Variants in KCTD8 observed in about 807,000 individuals in gnomAD.
KCTD8 encodes the protein BTB/POZ domain-containing protein KCTD8.
In KCTD8, 27 loss-of-function variants were observed where a neutral mutation model predicts 31.5. The ratio of observed to expected loss-of-function variants is 0.86; its 90% CI spans 0.63 to 1.18. The LOEUF is 1.18. Among genes scored for constraint, KCTD8 ranks in the 50% most tolerant of loss-of-function variants. KCTD8 has a pLI of 0.00. For synonymous variants in KCTD8, 290 were observed against 280.0 expected, an observed-to-expected ratio of 1.04 and a Z score of -0.36; for missense variants, 658 against 647.7, an observed-to-expected ratio of 1.02 and a Z score of -0.17.
At chr4:44,301,752 T>C (rs945235511) in intron 1 of KCTD8, among the ~76,000 whole-genome samples, 2 of 152,218 alleles carry the variant, frequency 1.3e-5, no homozygotes, top group Non-Finnish European at 2.9e-5. Context: ...TTGGCTTTTG[T>C]TGCCATTGCT....
intron 1 of KCTD8, among the ~76,000 whole-genome samples, chr4:44,337,609 G>A (rs1003815562): frequency 9.2e-5 from 14 of 151,376 alleles, no homozygotes; most frequent in Middle Eastern, 3.4e-3. Context: ...GGGAGGAGGA[G>A]GTTGCAGTGA....
At chr4:44,321,737 C>T (rs559568680) in intron 1 of KCTD8, among the ~76,000 whole-genome samples, 1 of 152,228 alleles carries the variant, frequency 6.6e-6, no homozygotes, top group South Asian at 2.1e-4. Flanking sequence ...CATTAACAAA[C>T]TTATCTTCAT....
At chr4:44,215,591 T>C (rs896662059) in intron 1 of KCTD8, among the ~76,000 whole-genome samples, 3 of 152,224 alleles carry the variant, frequency 2.0e-5, no homozygotes, top group Non-Finnish European at 4.4e-5. Flanking sequence ...AAGTCAAATC[T>C]TTAATTCAGA....
chr4:44,364,894 G>A (rs1448081863), intron 1 of KCTD8, among the ~76,000 whole-genome samples: 2 of 151,962 alleles, frequency 1.3e-5, no homozygotes, highest in Non-Finnish European at 2.9e-5. Flanking sequence ...TGGTTCTCCG[G>A]GGTCAGGCAG....
At chr4:44,436,044 T>A (rs1237362092) in intron 1 of KCTD8, among the ~76,000 whole-genome samples, 1 of 152,124 alleles carries the variant, frequency 6.6e-6, no homozygotes, top group African/African-American at 2.4e-5. Context: ...GGCAATTGTA[T>A]TCAATCATAC....
chr4:44,179,232 CTCT>C (rs1351356736), intron 1 of KCTD8, among the ~76,000 whole-genome samples: 2 of 151,852 alleles, frequency 1.3e-5, no homozygotes, highest in African/African-American at 4.8e-5. Context: ...CTTCTCCTCC[CTCT>C]TGTCTTTCCA....
At chr4:44,334,951 C>A (rs17539007) in intron 1 of KCTD8, among the ~76,000 whole-genome samples, 34,959 of 151,952 alleles carry the variant, frequency 0.23, 4,773 homozygotes, top group Non-Finnish European at 0.31. Flanking sequence ...ACATAGTTGG[C>A]AAATTCACAC....
chr4:44,415,804 C>A (rs1289442619), intron 1 of KCTD8, among the ~76,000 whole-genome samples: 1 of 152,202 alleles, frequency 6.6e-6, no homozygotes, highest in Non-Finnish European at 1.5e-5. Context: ...AATGCCCAGG[C>A]AGAAGCCTGT....
chr4:44,382,019 G>A (rs2109443340), intron 1 of KCTD8, among the ~76,000 whole-genome samples: 1 of 152,152 alleles, frequency 6.6e-6, no homozygotes, highest in African/African-American at 2.4e-5. Flanking sequence ...TTCATCAAGA[G>A]AATATAATAA....
chr4:44,372,411 G>A (rs1719811845), intron 1 of KCTD8, among the ~76,000 whole-genome samples: 1 of 152,162 alleles, frequency 6.6e-6, no homozygotes, highest in African/African-American at 2.4e-5. Flanking sequence ...TGAGGGTATA[G>A]GCACAGCATG....
At chr4:44,267,431 A>G (rs1185213794) in intron 1 of KCTD8, among the ~76,000 whole-genome samples, 1 of 152,208 alleles carries the variant, frequency 6.6e-6, no homozygotes, top group Non-Finnish European at 1.5e-5. Flanking sequence ...AAATGCCCAC[A>G]AGAGAAAGCA....
chr4:44,182,470 G>A (rs923614616), intron 1 of KCTD8, among the ~76,000 whole-genome samples: 3 of 152,234 alleles, frequency 2.0e-5, no homozygotes, highest in South Asian at 4.1e-4. Flanking sequence ...TTGGGATTCC[G>A]TTGATCTATG....
At chr4:44,178,087 C>A (rs145789448) in intron 1 of KCTD8, among the ~76,000 whole-genome samples, 4 of 152,316 alleles carry the variant, frequency 2.6e-5, no homozygotes, top group African/African-American at 9.6e-5. Context: ...AATTCTGGCT[C>A]TCCAGAAAAT....
At chr4:44,446,541 A>G (rs1203629143) in intron 1 of KCTD8, among the ~76,000 whole-genome samples, 1 of 149,540 alleles carries the variant, frequency 6.7e-6, no homozygotes, top group Non-Finnish European at 1.5e-5. Flanking sequence ...CCCACTCCCA[A>G]TCCCACTCCC....
chr4:44,285,370 G>A (rs1223181834), intron 1 of KCTD8, among the ~76,000 whole-genome samples: 2 of 151,928 alleles, frequency 1.3e-5, no homozygotes, highest in African/African-American at 4.8e-5. Context: ...ACTATCACAA[G>A]TTCAGAAAAC....
intron 1 of KCTD8, among the ~76,000 whole-genome samples, chr4:44,418,717 T>C (rs1721138708): frequency 6.6e-6 from 1 of 152,202 alleles, no homozygotes; most frequent in Admixed American, 6.5e-5. Flanking sequence ...TTGTGTTACC[T>C]TGATCAAATC....
intron 1 of KCTD8, among the ~76,000 whole-genome samples, chr4:44,203,461 G>A (rs1389421800): frequency 7.0e-6 from 1 of 143,524 alleles, no homozygotes; most frequent in Admixed American, 7.2e-5. Context: ...TTGTACTCCA[G>A]CCTGGGCTGG....
intron 1 of KCTD8, among the ~76,000 whole-genome samples, chr4:44,187,368 A>C (rs1402721125): frequency 2.0e-5 from 3 of 152,110 alleles, no homozygotes; most frequent in Non-Finnish European, 2.9e-5. Flanking sequence ...CATTTCCCCC[A>C]TGGAAGCTAG....
chr4:44,309,631 G>T (rs1433815320), intron 1 of KCTD8, among the ~76,000 whole-genome samples: 1 of 151,916 alleles, frequency 6.6e-6, no homozygotes, highest in Admixed American at 6.6e-5. Flanking sequence ...TTTCAAAAAG[G>T]TGTATGAACA....
Sources: allele counts gnomAD v4.1 joint callset (sites outside exome capture counted in the v4.1 genomes callset), GRCh38; gene constraint gnomAD v4.1.1; transcripts MANE v1.5; gene names NCBI Gene and HGNC (gene_info 2026-07-23, HGNC 2026-07-21).